NAA35: variants seen among roughly 807,000 people sequenced by gnomAD.
The protein encoded by NAA35 is N-alpha-acetyltransferase 35, NatC auxiliary subunit.
In NAA35, 18 loss-of-function variants were observed where a neutral mutation model predicts 101.7. That is an observed-to-expected ratio of 0.18 (90% CI 0.12 to 0.26). The LOEUF (loss-of-function observed/expected upper bound fraction) is 0.26, where lower values mean the gene tolerates loss of function less well. NAA35 is among the 10% of genes least tolerant of loss of function. The pLI, the probability that NAA35 is intolerant of heterozygous loss-of-function variation, is 1.00. For missense variants in NAA35, 601 were observed against 886.8 expected (o/e 0.68, Z 4.09); for synonymous variants, 267 against 273.1 (o/e 0.98, Z 0.22).
At chr9:85,993,975 A>ATT (rs56865808) in intron 11 of NAA35, among the ~76,000 whole-genome samples, 2 of 143,272 alleles carry the variant, frequency 1.4e-5, no homozygotes, top group Non-Finnish European at 1.5e-5. Flanking sequence ...CACCCGGCTA[A>ATT]TTTTTTTTTT....
intron 5 of NAA35, among the ~76,000 whole-genome samples, chr9:85,961,804 T>G (rs1829525429): frequency 1.3e-5 from 2 of 152,196 alleles, no homozygotes; most frequent in Non-Finnish European, 2.9e-5. Context: ...TCTAATATGT[T>G]GCAAACTGAT....
intron 11 of NAA35, among the ~76,000 whole-genome samples, chr9:85,992,294 GTAAA>G (rs1404013094): frequency 2.0e-5 from 3 of 152,030 alleles, no homozygotes; most frequent in Non-Finnish European, 4.4e-5. Flanking sequence ...AAGCATCAAA[GTAAA>G]TAATTCTGAC....
intron 11 of NAA35, chr9:85,987,117 T>TA (rs2118157212): frequency 6.6e-6 from 1 of 152,136 alleles, no homozygotes; most frequent in African/African-American, 2.4e-5. Flanking sequence ...AAAAAAGAAA[T>TA]ACAAGAGATA....
chr9:86,016,767 A>C, intron 18 of NAA35, 92 bp downstream of exon 18: 1 of 1,317,080 alleles, frequency 7.6e-7, no homozygotes, highest in East Asian at 2.4e-5. Context: ...TGGTCATTAT[A>C]TTTTAGTTCT....
At chr9:85,943,832 C>G (rs922565407) in intron 2 of NAA35, among the ~76,000 whole-genome samples, 1 of 152,038 alleles carries the variant, frequency 6.6e-6, no homozygotes, top group Admixed American at 6.6e-5. Context: ...CAAGTTTTTG[C>G]AAAGGGAGGT....
intron 11 of NAA35, among the ~76,000 whole-genome samples, chr9:85,990,349 A>G (rs552250102): frequency 3.9e-5 from 6 of 152,348 alleles, no homozygotes; most frequent in East Asian, 3.9e-4. Flanking sequence ...TGTACTGGCA[A>G]TTAAACTTCA....
In NAA35 at chr9:85,966,832, C is replaced by T. The variant is rs190058242; in HGVS notation, c.516+4652C>T. 1.2e-4 allele frequency among the ~76,000 whole-genome samples: 18 copies of T among 152,286 alleles called. 1 individual carries two copies. The Middle Eastern group carries it at 0.024, about 201-fold the overall frequency. On this transcript the variant is annotated intron_variant, in intron 6 of 22. Coordinates refer to ENST00000361671, the MANE Select transcript of NAA35 (RefSeq NM_024635.4). ...GCCTTAAAGAAATAATTAGGCCGGGCGCTGTGGCTCACGCCTGTAATCCCA... is the reference window on the plus strand; with the variant it reads ...GCCTTAAAGAAATAATTAGGCCGGGTGCTGTGGCTCACGCCTGTAATCCCA...
At chr9:85,946,827 G>A (rs538932621) in intron 2 of NAA35, among the ~76,000 whole-genome samples, 2 of 152,150 alleles carry the variant, frequency 1.3e-5, no homozygotes, top group South Asian at 2.1e-4. Flanking sequence ...TTTATTATTA[G>A]CACCATTGGT....
intron 2 of NAA35, among the ~76,000 whole-genome samples, chr9:85,951,965 A>G (rs1829037644): frequency 6.6e-6 from 1 of 152,172 alleles, no homozygotes; most frequent in Non-Finnish European, 1.5e-5. Context: ...GCCTGGCTAG[A>G]TCTTCCAAAT....
chr9:85,971,056 T>C (rs1829977585), intron 6 of NAA35, among the ~76,000 whole-genome samples: 1 of 152,236 alleles, frequency 6.6e-6, no homozygotes, highest in Admixed American at 6.5e-5. Flanking sequence ...CACTACTCGC[T>C]TACTCTTATT....
At chr9:86,004,789 T>C (rs1166254329) in intron 13 of NAA35, among the ~76,000 whole-genome samples, 1 of 152,192 alleles carries the variant, frequency 6.6e-6, no homozygotes, top group East Asian at 1.9e-4. Context: ...TGTCCATAAA[T>C]GCAAAAGCAG....
chr9:86,018,702 A>T lies in NAA35; in HGVS notation c.1918A>T (p.Met640Leu). 2 of 1,609,020 alleles carry T rather than the reference A, an allele frequency of 1.2e-6. No individual in the cohort carries two copies. Among genetic ancestry groups the T allele is most frequent in the Non-Finnish European group, 1.7e-6 (2 of 1,178,740 alleles). ...TTATACTTCCCCTTCTTTTTAGGAA[A>T]TGTCTGACCTCAATAAATATAGCCC... The part of the protein sequence containing the change: ...PPVHYLQFKE[M>L]SDLNKYSPPP... Residue 640 changes from methionine (M) to leucine (L), a missense_variant, in exon 21 of 23, where the codon ATG (methionine) becomes TTG (leucine). Physicochemically the swap from Met to Leu is conservative, Grantham distance 15 (BLOSUM62 2). Coordinates refer to ENST00000361671, the MANE Select transcript of NAA35 (RefSeq NM_024635.4).
chr9:85,951,647 T>C (rs577754727), intron 2 of NAA35, among the ~76,000 whole-genome samples: 1 of 152,338 alleles, frequency 6.6e-6, no homozygotes, highest in Non-Finnish European at 1.5e-5. Flanking sequence ...CAATAAGTTA[T>C]GCAGATCTTC....
At chr9:85,942,082 A>G in intron 1 of NAA35, 73 bp from the exon 2 acceptor site, 1 of 1,559,864 alleles carries the variant, frequency 6.4e-7, no homozygotes, top group Non-Finnish European at 8.7e-7. Context: ...ATGCTGAAAC[A>G]AACACCCATT....
At position 86,007,341 on chromosome 9, in the gene NAA35, A is replaced by T. The variant is rs894094976; in HGVS notation, c.1117-17A>T. The T allele has an allele frequency of 6.4e-7, 1 of 1,563,870 alleles. No homozygotes were observed. The highest frequency in any genetic ancestry group is 1.4e-5 in the African/African-American group (1 of 73,910). ...CTGTGCGTGACACCGTAACTAATAT[A>T]TAACATTTGTTTTAAGACCACTTTC... On this transcript the variant is annotated splice_polypyrimidine_tract_variant and intron_variant, in intron 13 of 22. Transcript: ENST00000361671.
At chr9:86,014,774 AATT>A (rs1219866574) in intron 17 of NAA35, among the ~76,000 whole-genome samples, 1 of 152,220 alleles carries the variant, frequency 6.6e-6, no homozygotes, top group Non-Finnish European at 1.5e-5. Flanking sequence ...GTGAAAACTG[AATT>A]TGAGCATCAA....
In NAA35 at chr9:86,020,931, A is replaced by G. The variant is rs767944019; in HGVS notation, c.2080A>G (p.Met694Val). The G allele has an allele frequency of 1.2e-6, 2 of 1,613,408 alleles. No individual in the cohort carries two copies. Among genetic ancestry groups the G allele is most frequent in the South Asian group, 2.2e-5 (2 of 90,930 alleles). Reference sequence around the variant, plus strand: ...GGTTGCCAAACCCAACTTTGTGGTTATGAAGTTATTGGCAGGAGGACACAA... The same window carrying G: ...GGTTGCCAAACCCAACTTTGTGGTTGTGAAGTTATTGGCAGGAGGACACAA... ...LKVAKPNFVV[M>V]KLLAGGHKKE... Residue 694 changes from methionine (M) to valine (V), a missense_variant, in exon 22 of 23, where the codon ATG becomes GTG. Coordinates refer to ENST00000361671, the MANE Select transcript of NAA35 (RefSeq NM_024635.4).
intron 6 of NAA35, chr9:85,966,588 G>T: frequency 1.6e-6 from 2 of 1,212,550 alleles, no homozygotes; most frequent in South Asian, 3.0e-5. Context: ...CCCACCTCTT[G>T]ATCTCAGATT....
Position 85,941,226 on chromosome 9 carries a change from C to T in NAA35, c.-53C>T, listed in dbSNP as rs1487592256. On this transcript the variant is annotated 5_prime_UTR_variant, in exon 1 of 23. Transcript: ENST00000361671. ...GCGGCCGAGGCGGCGTCGTTATTTC[C>T]GTGGTCCGGACAGTGCGTGGCGGCG... 1 of 986,728 alleles carries T rather than the reference C, an allele frequency of 1.0e-6. No individual in the cohort carries two copies. The highest frequency in any genetic ancestry group is 1.2e-6 in the Non-Finnish European group (1 of 830,912). 61.1% of individuals were successfully genotyped at this position (986,728 alleles called of 1,614,324 possible).
Sources: gnomAD v4.1 joint callset for allele counts (sites outside exome capture counted in the v4.1 genomes callset) on GRCh38, gnomAD v4.1.1 for gene constraint, MANE v1.5 for transcripts, NCBI Gene and HGNC (gene_info 2026-07-23, HGNC 2026-07-21) for gene names.